The following MAML2 variants were observed in gnomAD, a reference collection of about 807,000 sequenced individuals.
The protein encoded by MAML2 is mastermind-like protein 2.
A neutral mutation model predicts 96.1 loss-of-function variants in MAML2; 22 were observed. That is an observed-to-expected ratio of 0.23 (90% CI 0.16 to 0.33). The LOEUF (loss-of-function observed/expected upper bound fraction) is 0.33, where lower values mean the gene tolerates loss of function less well. Among genes scored for constraint, MAML2 ranks in the 10% least tolerant of loss-of-function variants. The pLI, the probability that MAML2 is intolerant of heterozygous loss-of-function variation, is 1.00. For missense variants in MAML2, 1,367 were observed against 1,392.4 expected, an observed-to-expected ratio of 0.98 and a Z score of 0.29; for synonymous variants, 561 against 521.3, an observed-to-expected ratio of 1.08 and a Z score of -1.04.
Position 96,052,731 on chromosome 11 carries a change from C to T in MAML2, c.2139+39161G>A, listed in dbSNP as rs117487506. Among the ~76,000 whole-genome samples the T allele has an allele frequency of 9.9e-3, 1,507 of 152,308 alleles. 17 individuals are homozygous for T. Among genetic ancestry groups the T allele is most frequent in the Non-Finnish European group, 0.013 (892 of 68,026 alleles). On this transcript the variant is annotated intron_variant, in intron 2 of 4. Transcript: ENST00000524717. ...TTTGTGAGTTTCCTTCTGCTCCTAA[C>T]AAAGAACAGAGAAATGCTCTCCACA...
intron 2 of MAML2, among the ~76,000 whole-genome samples, chr11:95,999,467 G>C (rs1940151): frequency 6.9e-6 from 1 of 145,958 alleles, no homozygotes; most frequent in Non-Finnish European, 1.5e-5. Context: ...AGTAAGACTC[G>C]TTGGATTCAG....
intron 1 of MAML2, among the ~76,000 whole-genome samples, chr11:96,207,580 G>T (rs1166907565): frequency 6.6e-6 from 1 of 152,212 alleles, no homozygotes; most frequent in Non-Finnish European, 1.5e-5. Flanking sequence ...TGCTCTGCCT[G>T]TGAGATAGTG....
At chr11:96,065,428 C>G (rs1054405101) in intron 2 of MAML2, among the ~76,000 whole-genome samples, 1 of 152,118 alleles carries the variant, frequency 6.6e-6, no homozygotes, top group Non-Finnish European at 1.5e-5. Flanking sequence ...CACACACACA[C>G]ACACACACAC....
chr11:96,033,022 A>G (rs1342407507), intron 2 of MAML2, among the ~76,000 whole-genome samples: 1 of 152,256 alleles, frequency 6.6e-6, no homozygotes, highest in Non-Finnish European at 1.5e-5. Flanking sequence ...AATTTGTAGC[A>G]TGTAAATTAT....
At chr11:96,047,827 G>A (rs534273226) in intron 2 of MAML2, among the ~76,000 whole-genome samples, 8 of 141,580 alleles carry the variant, frequency 5.7e-5, no homozygotes, top group East Asian at 4.2e-4. Flanking sequence ...CAGGAGAATC[G>A]TTTGAACCCA....
At chr11:96,000,624 T>C (rs995403723) in intron 2 of MAML2, among the ~76,000 whole-genome samples, 1 of 152,178 alleles carries the variant, frequency 6.6e-6, no homozygotes, top group Non-Finnish European at 1.5e-5. Context: ...AAATAAGAAA[T>C]ATTTATCATA....
intron 2 of MAML2, among the ~76,000 whole-genome samples, chr11:95,997,615 A>G (rs1236347948): frequency 6.6e-6 from 1 of 152,162 alleles, no homozygotes; most frequent in Non-Finnish European, 1.5e-5. Context: ...ATGAACCTAA[A>G]ACAAACAACA....
At chr11:96,257,128 C>T (rs926479741) in intron 1 of MAML2, among the ~76,000 whole-genome samples, 3 of 152,220 alleles carry the variant, frequency 2.0e-5, no homozygotes, top group African/African-American at 7.2e-5. Context: ...TGTGGAAAAG[C>T]ATTTCCAATT....
intron 1 of MAML2, among the ~76,000 whole-genome samples, chr11:96,275,991 G>T (rs1308162080): frequency 6.6e-6 from 1 of 152,204 alleles, no homozygotes; most frequent in Non-Finnish European, 1.5e-5. Flanking sequence ...GTCTAGCATG[G>T]TGAGTAGGCT....
At chr11:95,997,405 CCTG>C (rs1858008941) in intron 2 of MAML2, among the ~76,000 whole-genome samples, 2 of 152,034 alleles carry the variant, frequency 1.3e-5, no homozygotes, top group Non-Finnish European at 2.9e-5. Flanking sequence ...CTTCTTGGTC[CCTG>C]TTTTAACCCA....
intron 1 of MAML2, among the ~76,000 whole-genome samples, chr11:96,187,762 C>G (rs1354973233): frequency 6.7e-6 from 1 of 150,252 alleles, no homozygotes; most frequent in Non-Finnish European, 1.5e-5. Context: ...CCACTGCACT[C>G]CAGCCTGGCG....
intron 1 of MAML2, among the ~76,000 whole-genome samples, chr11:96,265,900 G>A (rs1271517855): frequency 1.3e-5 from 2 of 152,136 alleles, no homozygotes; most frequent in Non-Finnish European, 2.9e-5. Flanking sequence ...CCAAGCCCAC[G>A]TGTGATCTGA....
At chr11:96,154,961 A>G (rs533717092) in intron 1 of MAML2, among the ~76,000 whole-genome samples, 3 of 152,154 alleles carry the variant, frequency 2.0e-5, no homozygotes, top group South Asian at 4.2e-4. Flanking sequence ...CTCCTGATTC[A>G]CTGTGCCAGA....
At chr11:96,008,808 G>A (rs1185421885) in intron 2 of MAML2, among the ~76,000 whole-genome samples, 1 of 152,150 alleles carries the variant, frequency 6.6e-6, no homozygotes, top group Non-Finnish European at 1.5e-5. Flanking sequence ...TCAACTAGCT[G>A]TTTTGGTATA....
intron 1 of MAML2, among the ~76,000 whole-genome samples, chr11:96,299,668 A>G (rs900299275): frequency 2.6e-5 from 4 of 152,116 alleles, no homozygotes; most frequent in African/African-American, 9.7e-5. Context: ...TGGAGGGAGG[A>G]CCACTTTGAG....
chr11:95,979,959 G>T lies in MAML2; in HGVS notation c.2460C>A (p.Gly820=), dbSNP rs1320953989. The change falls in exon 5 of 5, where the codon GGC becomes GGA. Residue 820 remains glycine (G), a synonymous_variant. Coordinates refer to ENST00000524717, the MANE Select transcript of MAML2 (RefSeq NM_032427.4). ...TAGAGTTTAAGCTTATTGTGGATGAGCCACCTGAGAAAAAGAAGAGAATTT... is the reference window on the plus strand; with the variant it reads ...TAGAGTTTAAGCTTATTGTGGATGATCCACCTGAGAAAAAGAAGAGAATTT... The part of the protein sequence containing the change: ...NMQPTAQYSG[G]SSTISLNSNQ... 1.2e-6 allele frequency: 2 copies of T among 1,606,372 alleles called. No homozygotes were observed. Among genetic ancestry groups the T allele is most frequent in the Non-Finnish European group, 1.7e-6 (2 of 1,176,870 alleles).
intron 1 of MAML2, among the ~76,000 whole-genome samples, chr11:96,256,695 A>C (rs1482655225): frequency 6.6e-6 from 1 of 152,242 alleles, no homozygotes; most frequent in Non-Finnish European, 1.5e-5. Context: ...GTCAGTAAAT[A>C]GTTATTACAT....
chr11:96,164,780 G>A (rs1279817788), intron 1 of MAML2, among the ~76,000 whole-genome samples: 1 of 152,220 alleles, frequency 6.6e-6, no homozygotes, highest in African/African-American at 2.4e-5. Context: ...CAGATAGTGT[G>A]TCACTTTCAT....
chr11:96,292,643 C>T (rs927171864), intron 1 of MAML2, among the ~76,000 whole-genome samples: 2 of 152,160 alleles, frequency 1.3e-5, no homozygotes, highest in Non-Finnish European at 2.9e-5. Flanking sequence ...TATCTGTTGT[C>T]CAAAACTCAT....
Sources: allele counts gnomAD v4.1 joint callset (sites outside exome capture counted in the v4.1 genomes callset), GRCh38; gene constraint gnomAD v4.1.1; transcripts MANE v1.5; gene names NCBI Gene and HGNC (gene_info 2026-07-23, HGNC 2026-07-21).